MRPL30: variants seen among roughly 807,000 people sequenced by gnomAD.
MRPL30 encodes mitochondrial ribosomal protein L30.
In MRPL30, 10 loss-of-function variants were observed where a neutral mutation model predicts 17.2. The ratio of observed to expected loss-of-function variants is 0.58; its 90% confidence interval spans 0.36 to 0.99. The LOEUF is 0.99. MRPL30 is among the 50% of genes least tolerant of loss of function. The pLI, the probability that MRPL30 is intolerant of heterozygous loss-of-function variation, is 0.01. For synonymous variants in MRPL30, 61 were observed against 62.1 expected, an observed-to-expected ratio of 0.98 and a Z score of 0.08; for missense variants, 170 against 189.8, an observed-to-expected ratio of 0.90 and a Z score of 0.61.
chr2:99,191,780 A>G (rs1825772), intron 3 of MRPL30, among the ~76,000 whole-genome samples: 1 of 152,162 alleles, frequency 6.6e-6, no homozygotes, highest in South Asian at 2.1e-4. Context: ...TTAACTCTGT[A>G]TCCCCAGCGG....
rs2093954889 is a variant in MRPL30 at position 99,196,173 on chromosome 2, T to TTC, written c.*472_*473dup. ...GAGATTTTAGTTTAATTTGGTTTAA[T>TTC]TCTCTGTCCTTTCCCTTTCACTGTT... On this transcript the variant is annotated 3_prime_UTR_variant, in exon 6 of 6. Coordinates refer to ENST00000338148, the MANE Select transcript of MRPL30 (RefSeq NM_145212.4). 1.2e-5 allele frequency: 2 copies of TTC among 165,042 alleles called. No individual in the cohort carries two copies. The highest frequency in any genetic ancestry group is 2.6e-5 in the Non-Finnish European group (2 of 77,098). 10.2% of individuals were successfully genotyped at this position (165,042 alleles called of 1,614,324 possible). A position where few individuals can be genotyped will look rare whatever the true frequency, so the allele number is the denominator to read the frequency against.
intron 3 of MRPL30, among the ~76,000 whole-genome samples, chr2:99,192,066 CGA>C (rs1455143142): frequency 6.6e-6 from 1 of 152,078 alleles, no homozygotes; most frequent in African/African-American, 2.4e-5. Context: ...TTACCCACCC[CGA>C]GATAACTGCT....
chr2:99,187,972 G>A (rs536627282), intron 2 of MRPL30, among the ~76,000 whole-genome samples: 1 of 152,152 alleles, frequency 6.6e-6, no homozygotes, highest in Non-Finnish European at 1.5e-5. Flanking sequence ...TTACCAATCC[G>A]TGGTCTAAAA....
Position 99,197,095 on chromosome 2 carries a change from AAAG to A in MRPL30, c.*1397_*1399del, listed in dbSNP as rs956579302. On this transcript the variant is annotated 3_prime_UTR_variant, in exon 6 of 6. Coordinates refer to ENST00000338148, the MANE Select transcript of MRPL30 (RefSeq NM_145212.4). ...AACAGTTGAGGTTGCTGTTGAAAAG[AAAG>A]AAGAAGGAGGCGGAAATCTCTCAGG... is the stretch of plus-strand genomic sequence containing the variant. The A allele has an allele frequency of 5.9e-5, 9 of 152,214 alleles. No individual in the cohort carries two copies. Among genetic ancestry groups the A allele is most frequent in the African/African-American group, 1.7e-4 (7 of 41,474 alleles). 9.4% of individuals were successfully genotyped at this position (152,214 alleles called of 1,614,324 possible).
chr2:99,195,993 A>G lies in MRPL30; in HGVS notation c.*288A>G, dbSNP rs1277818046. On this transcript the variant is annotated 3_prime_UTR_variant, in exon 6 of 6. Coordinates refer to ENST00000338148, the MANE Select transcript of MRPL30 (RefSeq NM_145212.4). ...CTACTCGGGAGGCTGAAGCAGGAGA[A>G]TCACTTGAACCCGGGAGGCAGAGGT... 1 of 310,184 alleles carries G rather than the reference A, an allele frequency of 3.2e-6. No homozygotes were observed. Among genetic ancestry groups the G allele is most frequent in the African/African-American group, 2.3e-5 (1 of 43,440 alleles). The allele number at this position is 310,184 out of a possible 1,614,324, so 19.2% of individuals were successfully genotyped here.
At chr2:99,183,484 G>A (rs935324722) in intron 1 of MRPL30, among the ~76,000 whole-genome samples, 2 of 151,830 alleles carry the variant, frequency 1.3e-5, no homozygotes, top group Admixed American at 1.3e-4. Flanking sequence ...CAGGATAATC[G>A]GTTGAACCCA....
chr2:99,186,391 G>A (rs2093934152), intron 2 of MRPL30, 137 bp downstream of exon 2: 3 of 720,714 alleles, frequency 4.2e-6, no homozygotes, highest in Admixed American at 2.7e-5. Flanking sequence ...GGAGTGCAGT[G>A]GCACAATCTG....
At chr2:99,186,358 A>G (rs2093934080) in intron 2 of MRPL30, 104 bp downstream of exon 2, 4 of 995,846 alleles carry the variant, frequency 4.0e-6, no homozygotes, top group Non-Finnish European at 6.0e-6. Flanking sequence ...TTTGAGACGA[A>G]GTCTCTCTCT....
intron 3 of MRPL30, among the ~76,000 whole-genome samples, chr2:99,189,641 A>G (rs973835133): frequency 1.3e-5 from 2 of 152,248 alleles, no homozygotes; most frequent in African/African-American, 4.8e-5. Flanking sequence ...TTTCCAACTC[A>G]TGAGTTAAAT....
chr2:99,193,810 G>A (rs547276682), intron 3 of MRPL30, among the ~76,000 whole-genome samples: 3 of 152,176 alleles, frequency 2.0e-5, no homozygotes, highest in African/African-American at 4.8e-5. Context: ...AGGCCAAGGC[G>A]GGCGGATCAC....
intron 3 of MRPL30, among the ~76,000 whole-genome samples, chr2:99,188,653 G>A (rs2105244621): frequency 6.6e-6 from 1 of 152,114 alleles, no homozygotes; most frequent in East Asian, 1.9e-4. Flanking sequence ...TCATTTCTGT[G>A]TACCTATCAT....
At chr2:99,181,334 C>T in intron 1 of MRPL30, 85 bp downstream of exon 1, 1 of 203,444 alleles carries the variant, frequency 4.9e-6, no homozygotes, top group South Asian at 7.9e-5. Context: ...TTGATTTTCC[C>T]TATTGCGTAC....
intron 2 of MRPL30, 75 bp from the exon 3 acceptor site, chr2:99,188,102 T>A: frequency 9.1e-7 from 1 of 1,095,556 alleles, no homozygotes; most frequent in Non-Finnish European, 1.3e-6. Context: ...AGACTTCTGT[T>A]ACCTAAAGAT....
chr2:99,189,444 G>T (rs913974969), intron 3 of MRPL30, among the ~76,000 whole-genome samples: 1 of 152,128 alleles, frequency 6.6e-6, no homozygotes, highest in African/African-American at 2.4e-5. Flanking sequence ...TACCTGTAAG[G>T]TTCCTCCATG....
chr2:99,191,815 C>A (rs914681367), intron 3 of MRPL30, among the ~76,000 whole-genome samples: 2 of 152,110 alleles, frequency 1.3e-5, no homozygotes, highest in African/African-American at 4.8e-5. Flanking sequence ...TCAACATAGT[C>A]GCGCATAGTT....
In MRPL30 at chr2:99,198,720, C is replaced by T. The variant is rs1317975527; in HGVS notation, c.*3015C>T. Among the ~76,000 whole-genome samples, 2 of 152,152 alleles carry T rather than the reference C, an allele frequency of 1.3e-5. No individual in the cohort carries two copies. Among genetic ancestry groups the T allele is most frequent in the Non-Finnish European group, 2.9e-5 (2 of 68,028 alleles). Reference sequence around the variant, plus strand: ...GGCATTCCTTTGCCTCATATCATCACTTCAAAACCCTATAAGGGTTTGTTC... The same window carrying T: ...GGCATTCCTTTGCCTCATATCATCATTTCAAAACCCTATAAGGGTTTGTTC... On this transcript the variant is annotated 3_prime_UTR_variant, in exon 6 of 6. Coordinates refer to ENST00000338148, the MANE Select transcript of MRPL30 (RefSeq NM_145212.4).
At chr2:99,189,452 A>T (rs1160351385) in intron 3 of MRPL30, among the ~76,000 whole-genome samples, 2 of 152,132 alleles carry the variant, frequency 1.3e-5, no homozygotes, top group Non-Finnish European at 2.9e-5. Context: ...AGGTTCCTCC[A>T]TGTCTTTTTG....
At chr2:99,183,272 G>T (rs1165119264) in intron 1 of MRPL30, among the ~76,000 whole-genome samples, 1 of 152,094 alleles carries the variant, frequency 6.6e-6, no homozygotes, top group Non-Finnish European at 1.5e-5. Flanking sequence ...ATGAGAGGGT[G>T]AGGGTTAAGA....
At chr2:99,184,404 G>A (rs750443685) in intron 1 of MRPL30, among the ~76,000 whole-genome samples, 15 of 152,094 alleles carry the variant, frequency 9.9e-5, no homozygotes, top group South Asian at 4.1e-4. Flanking sequence ...ATGCATATCT[G>A]TAATTACTTC....
Sources: allele counts gnomAD v4.1 joint callset (sites outside exome capture counted in the v4.1 genomes callset), GRCh38; gene constraint gnomAD v4.1.1; transcripts MANE v1.5; gene names NCBI Gene and HGNC (gene_info 2026-07-23, HGNC 2026-07-21).